Variants in CSRNP3 observed in about 807,000 individuals in gnomAD.
CSRNP3 encodes cysteine and serine rich nuclear protein 3.
CSRNP3 carries 12 observed loss-of-function variants against 48.0 expected under a neutral mutation model. That is an observed-to-expected ratio of 0.25 (90% confidence interval 0.16 to 0.41). CSRNP3 has a LOEUF of 0.41. CSRNP3 is among the 10% of genes least tolerant of loss of function. The pLI, the probability that CSRNP3 is intolerant of heterozygous loss-of-function variation, is 1.00. For synonymous variants in CSRNP3, 263 were observed against 269.7 expected, an observed-to-expected ratio of 0.98 and a Z score of 0.24; for missense variants, 580 against 724.4, an observed-to-expected ratio of 0.80 and a Z score of 2.29.
chr2:165,532,806 A>C (rs921420604), intron 3 of CSRNP3, among the ~76,000 whole-genome samples: 1 of 151,128 alleles, frequency 6.6e-6, no homozygotes, highest in African/African-American at 2.4e-5. Flanking sequence ...TATATCTAGA[A>C]AACCCCATCA....
chr2:165,651,534 GTTCTT>G (rs890192611), intron 4 of CSRNP3, among the ~76,000 whole-genome samples: 81 of 151,722 alleles, frequency 5.3e-4, no homozygotes, highest in African/African-American at 1.8e-3. Flanking sequence ...TTTTTAATCT[GTTCTT>G]TTCACGAGTT....
At position 165,505,397 on chromosome 2, in the gene CSRNP3, C is replaced by CT. The variant is rs199637881; in HGVS notation, c.-113+10477dup. ...CAGAAGTTGACTGGGCCTCCTGTACCTTTTTTTTGCAAATGGGTTAAACAA... is the reference window on the plus strand; with the variant it reads ...CAGAAGTTGACTGGGCCTCCTGTACCTTTTTTTTTGCAAATGGGTTAAACAA... On this transcript the variant is annotated intron_variant, in intron 2 of 6. Coordinates refer to ENST00000651982, the MANE Select transcript of CSRNP3 (RefSeq NM_001172173.2). Among the ~76,000 whole-genome samples, 427 of 151,760 alleles carry CT rather than the reference C, an allele frequency of 2.8e-3. 3 individuals are homozygous for CT. Among genetic ancestry groups the CT allele is most frequent in the African/African-American group, 9.9e-3 (410 of 41,420 alleles).
rs1035314776 is a variant in CSRNP3 at position 165,686,651 on chromosome 2, G to C, written c.*6898G>C. Reference sequence around the variant, plus strand: ...GTGTTGATCCTTGAGTTATTTAATGGTATCCAAATGATATCTGAAAGTGAT... The same window carrying C: ...GTGTTGATCCTTGAGTTATTTAATGCTATCCAAATGATATCTGAAAGTGAT... On this transcript the variant is annotated 3_prime_UTR_variant, in exon 7 of 7. Transcript: ENST00000651982. The C allele has an allele frequency of 2.6e-5, 4 of 151,868 alleles. No homozygotes were observed. Among genetic ancestry groups the C allele is most frequent in the Non-Finnish European group, 4.4e-5 (3 of 67,946 alleles). 9.4% of individuals were successfully genotyped at this position (151,868 alleles called of 1,614,324 possible).
intron 1 of CSRNP3, among the ~76,000 whole-genome samples, chr2:165,490,694 G>C (rs1185521349): frequency 2.2e-5 from 3 of 134,312 alleles, no homozygotes; most frequent in Non-Finnish European, 4.7e-5. Flanking sequence ...AACAAGCAAT[G>C]GGGAAAGGAT....
intron 4 of CSRNP3, among the ~76,000 whole-genome samples, chr2:165,609,695 A>G (rs1442506119): frequency 6.6e-6 from 1 of 152,200 alleles, no homozygotes; most frequent in Admixed American, 6.5e-5. Flanking sequence ...TCAAGGAGGG[A>G]CATCGTACAT....
intron 5 of CSRNP3, among the ~76,000 whole-genome samples, chr2:165,663,496 A>G (rs1309036228): frequency 6.6e-6 from 1 of 152,222 alleles, no homozygotes; most frequent in African/African-American, 2.4e-5. Context: ...CCTAAACAAA[A>G]TGATGGAGAC....
chr2:165,605,915 G>T (rs1686002347), intron 4 of CSRNP3, among the ~76,000 whole-genome samples: 1 of 152,084 alleles, frequency 6.6e-6, no homozygotes, highest in South Asian at 2.1e-4. Context: ...AAGAGTCTGT[G>T]CATGGAACAA....
At chr2:165,574,519 G>T in intron 3 of CSRNP3, 1 of 833,098 alleles carries the variant, frequency 1.2e-6, no homozygotes, top group South Asian at 2.0e-5. Context: ...GTGGCAATTG[G>T]CAGGGTGTTC....
At chr2:165,574,868 G>A (rs901541490) in intron 3 of CSRNP3, among the ~76,000 whole-genome samples, 12 of 151,998 alleles carry the variant, frequency 7.9e-5, no homozygotes, top group Admixed American at 6.6e-4. Flanking sequence ...TCACACAATC[G>A]CATAAGGACA....
At position 165,675,695 on chromosome 2, in the gene CSRNP3, T is replaced by A. The variant is rs1687412470; in HGVS notation, c.409-617T>A. On this transcript the variant is annotated intron_variant, in intron 5 of 6. Coordinates refer to ENST00000651982, the MANE Select transcript of CSRNP3 (RefSeq NM_001172173.2). ...CTGAGAGCTTGAGGGCCCTGCCCTCTGTTCTTTGTCTTACTAAGAGCATGC... is the reference window on the plus strand; with the variant it reads ...CTGAGAGCTTGAGGGCCCTGCCCTCAGTTCTTTGTCTTACTAAGAGCATGC... Among the ~76,000 whole-genome samples the A allele has an allele frequency of 3.3e-5, 5 of 152,226 alleles. No individual in the cohort carries two copies. In the South Asian group the frequency reaches 1.0e-3, roughly 31 times the overall value.
chr2:165,532,080 C>T (rs1684820493), intron 3 of CSRNP3, among the ~76,000 whole-genome samples: 1 of 151,826 alleles, frequency 6.6e-6, no homozygotes, highest in Non-Finnish European at 1.5e-5. Flanking sequence ...GCTTACCAAC[C>T]AAAAAAAGTC....
intron 4 of CSRNP3, among the ~76,000 whole-genome samples, chr2:165,614,119 C>T (rs1291578968): frequency 6.6e-6 from 1 of 151,986 alleles, no homozygotes; most frequent in Non-Finnish European, 1.5e-5. Context: ...CTATGCCTCG[C>T]TAAGGTTTGT....
At chr2:165,519,615 G>C (rs1684625633) in intron 3 of CSRNP3, among the ~76,000 whole-genome samples, 1 of 152,154 alleles carries the variant, frequency 6.6e-6, no homozygotes, top group Non-Finnish European at 1.5e-5. Context: ...TAGAGAAGCA[G>C]CTAAATTAAT....
chr2:165,542,833 A>G (rs1036120474), intron 3 of CSRNP3, among the ~76,000 whole-genome samples: 2 of 152,172 alleles, frequency 1.3e-5, no homozygotes, highest in African/African-American at 2.4e-5. Flanking sequence ...GAATTTTTAC[A>G]TTGGAATAGA....
intron 3 of CSRNP3, among the ~76,000 whole-genome samples, chr2:165,593,830 T>G (rs931085942): frequency 6.6e-6 from 1 of 152,200 alleles, no homozygotes; most frequent in African/African-American, 2.4e-5. Flanking sequence ...TAATAAAGAT[T>G]GGACATCCCT....
intron 2 of CSRNP3, among the ~76,000 whole-genome samples, chr2:165,509,485 A>C (rs1461410610): frequency 2.0e-5 from 3 of 152,094 alleles, no homozygotes; most frequent in Non-Finnish European, 4.4e-5. Flanking sequence ...AGATGATGAG[A>C]AGTGGTCAGA....
chr2:165,645,037 TA>T (rs767320738), intron 4 of CSRNP3, among the ~76,000 whole-genome samples: 1 of 151,956 alleles, frequency 6.6e-6, no homozygotes, highest in Non-Finnish European at 1.5e-5. Flanking sequence ...GGTCTCTTTA[TA>T]AAAAGGGCAC....
intron 3 of CSRNP3, among the ~76,000 whole-genome samples, chr2:165,543,497 T>A (rs1684984386): frequency 6.6e-6 from 1 of 152,132 alleles, no homozygotes. Flanking sequence ...AAAGTTCAAA[T>A]ACATTGTTTT....
chr2:165,664,330 A>C (rs554207194), intron 5 of CSRNP3, among the ~76,000 whole-genome samples: 17 of 152,208 alleles, frequency 1.1e-4, no homozygotes, highest in Non-Finnish European at 2.1e-4. Context: ...CTAGCCTCTT[A>C]TTGAACAATT....
Sources: allele counts gnomAD v4.1 joint callset (sites outside exome capture counted in the v4.1 genomes callset), GRCh38; gene constraint gnomAD v4.1.1; transcripts MANE v1.5; gene names NCBI Gene and HGNC (gene_info 2026-07-23, HGNC 2026-07-21).